The following AZGP1 variants were observed in gnomAD, a reference collection of about 807,000 sequenced individuals.
AZGP1 encodes the protein alpha-2-glycoprotein 1, zinc-binding.
In AZGP1, 28 loss-of-function variants were observed where a neutral mutation model predicts 31.5. The ratio of observed to expected loss-of-function variants is 0.89; its 90% CI spans 0.66 to 1.22. The LOEUF is 1.22. AZGP1 is among the 50% of genes most tolerant of loss of function. AZGP1 has a pLI of 0.00. For synonymous variants in AZGP1, 135 were observed against 145.4 expected, an observed-to-expected ratio of 0.93 and a Z score of 0.51; for missense variants, 361 against 371.8, an observed-to-expected ratio of 0.97 and a Z score of 0.24.
At chr7:99,975,856 C>A in intron 1 of AZGP1, 89 bp downstream of exon 1, 2 of 1,430,674 alleles carry the variant, frequency 1.4e-6, no homozygotes, top group East Asian at 2.3e-5. Flanking sequence ...GGTATCCCAG[C>A]TGCATCCAGC....
chr7:99,972,856 G>A (rs1350902812), intron 1 of AZGP1, among the ~76,000 whole-genome samples: 2 of 151,982 alleles, frequency 1.3e-5, no homozygotes, highest in Non-Finnish European at 2.9e-5. Context: ...AGTGGCTCAC[G>A]CCTGTAATCC....
chr7:99,971,889 T>A lies in AZGP1; in HGVS notation c.194A>T (p.Asp65Val). The A allele has an allele frequency of 6.2e-7, 1 of 1,614,194 alleles. No individual in the cohort carries two copies. The highest frequency in any genetic ancestry group is 8.5e-7 in the Non-Finnish European group (1 of 1,180,026). ...DLQFFRYNSK[D>V]RKSQPMGLWR... ...GAGTCCCATGGGCTGAGACTTCCTGTCTTTACTGTTGTATCTAAAGAACTG... is the reference window on the plus strand; with the variant it reads ...GAGTCCCATGGGCTGAGACTTCCTGACTTTACTGTTGTATCTAAAGAACTG... The change falls in exon 2 of 4, where the codon GAC becomes GTC. Residue 65 changes from aspartate to valine, a missense_variant. Asp to Val is a radical substitution (Grantham distance 152). Transcript: ENST00000292401.
Position 99,971,817 on chromosome 7 carries a change from A to G in AZGP1, c.266T>C (p.Leu89Pro), listed in dbSNP as rs372180028. 2.5e-6 allele frequency: 4 copies of G among 1,613,958 alleles called. No homozygotes were observed. The African/African-American group carries it at 4.0e-5, about 16-fold the overall frequency. ...AAAGATGTCCTCCCTGGCCTTCTGA[A>G]GTTGGCTGTCCTGCTTCCAATCCTC... ...GMEDWKQDSQ[L>P]QKAREDIFME... The change falls in exon 2 of 4, where the codon CTT becomes CCT. Residue 89 changes from leucine (L) to proline (P), a missense_variant. Physicochemically the swap from Leu to Pro is moderately conservative, Grantham distance 98. Coordinates refer to ENST00000292401, the MANE Select transcript of AZGP1 (RefSeq NM_001185.4).
intron 1 of AZGP1, among the ~76,000 whole-genome samples, chr7:99,973,677 A>T: frequency 6.6e-6 from 1 of 151,692 alleles, no homozygotes; most frequent in Non-Finnish European, 1.5e-5. Context: ...ACACTTTGGG[A>T]AGCTGAGGCA....
At chr7:99,971,725 T>A (rs372471921) in intron 2 of AZGP1, 21 bp downstream of exon 2, 30 of 1,608,716 alleles carry the variant, frequency 1.9e-5, no homozygotes, top group East Asian at 1.1e-4. Flanking sequence ...CTTCCACCCC[T>A]GTGGTCTGTT....
intron 3 of AZGP1, 63 bp from the exon 4 acceptor site, chr7:99,967,349 T>C: frequency 3.9e-6 from 6 of 1,539,256 alleles, no homozygotes; most frequent in Non-Finnish European, 5.3e-6. Flanking sequence ...CCAGGTCTCT[T>C]CCTACCCCCA....
At position 99,971,755 on chromosome 7, in the gene AZGP1, CGTT is replaced by C. The variant is rs1562798508; in HGVS notation, c.325_327del (p.Asn109del). On this transcript the variant is annotated inframe_deletion, in exon 2 of 4. Coordinates refer to ENST00000292401, the MANE Select transcript of AZGP1 (RefSeq NM_001185.4). The stretch of plus-strand genomic sequence containing the variant: ...TCTGTTATTCACTGACCGTTACTGT[CGTT>C]GTAATACTCCACGATGTCTTTCAGG... 3 of 1,613,804 alleles carry C rather than the reference CGTT, an allele frequency of 1.9e-6. No individual in the cohort carries two copies. Among genetic ancestry groups the C allele is most frequent in the Admixed American group, 1.7e-5 (1 of 60,004 alleles).
Position 99,971,913 on chromosome 7 carries a change from T to G in AZGP1, c.170A>C (p.Gln57Pro). 1 of 1,614,104 alleles carries G rather than the reference T, an allele frequency of 6.2e-7. No individual in the cohort carries two copies. The highest frequency in any genetic ancestry group is 8.5e-7 in the Non-Finnish European group (1 of 1,180,000). The change falls in exon 2 of 4, where the codon CAG becomes CCG. Residue 57 changes from glutamine (Q) to proline (P), a missense_variant. By Grantham distance (76) the Gln-to-Pro change is moderately conservative. Coordinates refer to ENST00000292401, the MANE Select transcript of AZGP1 (RefSeq NM_001185.4). Reference protein sequence around the residue: ...FQALGSLNDLQFFRYNSKDRK... With the variant: ...FQALGSLNDLPFFRYNSKDRK... Reference sequence around the variant, plus strand: ...GTCTTTACTGTTGTATCTAAAGAACTGGAGGTCATTGAGTGAGCCAAGGGC... The same window carrying G: ...GTCTTTACTGTTGTATCTAAAGAACGGGAGGTCATTGAGTGAGCCAAGGGC...
In AZGP1 at chr7:99,967,286, T is replaced by A; in HGVS notation, c.614A>T (p.Asp205Val). The A allele has an allele frequency of 1.2e-6, 2 of 1,611,294 alleles. No homozygotes were observed. Among genetic ancestry groups the A allele is most frequent in the South Asian group, 2.2e-5 (2 of 90,892 alleles). The change falls in exon 4 of 4, where the codon GAT becomes GTT. Residue 205 changes from aspartate to valine, a missense_variant and splice_region_variant. Physicochemically the swap from Asp to Val is radical, Grantham distance 152 (BLOSUM62 -3). Coordinates refer to ENST00000292401, the MANE Select transcript of AZGP1 (RefSeq NM_001185.4). ...KYSKNILDRQ[D>V]PPSVVVTSHQ... is the part of the protein sequence containing the mutation. ...GCTGGTGACCACCACAGAGGGAGGA[T>A]CTGTGGAGGGATAGAGTGTGACACT...
Position 99,967,243 on chromosome 7 carries a change from T to C in AZGP1, c.657A>G (p.Glu219=). ...VVVTSHQAPG[E]KKKLKCLAYD... The stretch of plus-strand genomic sequence containing the variant: ...AGGCCAGGCACTTCAGTTTCTTCTT[T>C]TCTCCTGGGGCCTGGTGGCTGGTGA... Residue 219 remains glutamate, a synonymous_variant, in exon 4 of 4, where the codon GAA becomes GAG. Coordinates refer to ENST00000292401, the MANE Select transcript of AZGP1 (RefSeq NM_001185.4). 3.1e-6 allele frequency: 5 copies of C among 1,613,386 alleles called. No individual in the cohort carries two copies. Among genetic ancestry groups the C allele is most frequent in the Non-Finnish European group, 4.2e-6 (5 of 1,179,696 alleles).
chr7:99,975,799 G>A (rs982952804), intron 1 of AZGP1, 146 bp downstream of exon 1: 56 of 805,300 alleles, frequency 7.0e-5, no homozygotes, highest in Non-Finnish European at 9.3e-5. Flanking sequence ...AAGTGTGTGA[G>A]CTGAGGGAGT....
At chr7:99,975,573 C>T (rs1328287236) in intron 1 of AZGP1, among the ~76,000 whole-genome samples, 2 of 152,126 alleles carry the variant, frequency 1.3e-5, no homozygotes, top group Non-Finnish European at 2.9e-5. Context: ...CTCTTTCCCT[C>T]AGCGTCAGGC....
At chr7:99,975,470 G>C (rs1470324072) in intron 1 of AZGP1, among the ~76,000 whole-genome samples, 1 of 152,128 alleles carries the variant, frequency 6.6e-6, no homozygotes, top group Admixed American at 6.5e-5. Flanking sequence ...ACCCACTGCA[G>C]TGGTGTCTGA....
At chr7:99,969,848 A>G (rs573356459) in intron 2 of AZGP1, among the ~76,000 whole-genome samples, 1 of 152,342 alleles carries the variant, frequency 6.6e-6, no homozygotes, top group African/African-American at 2.4e-5. Flanking sequence ...GGTGTTTGAT[A>G]TCTTTATCCC....
At chr7:99,974,009 G>T (rs1397474743) in intron 1 of AZGP1, among the ~76,000 whole-genome samples, 1 of 150,834 alleles carries the variant, frequency 6.6e-6, no homozygotes, top group East Asian at 2.0e-4. Context: ...GTGGTGGCTC[G>T]TGCCTGTAAT....
In AZGP1 at chr7:99,968,318, T is replaced by A; in HGVS notation, c.450A>T (p.Glu150Asp). The change falls in exon 3 of 4, where the codon GAA becomes GAT. Residue 150 changes from glutamate to aspartate, a missense_variant. By Grantham distance (45) the Glu-to-Asp change is conservative. Coordinates refer to ENST00000292401, the MANE Select transcript of AZGP1 (RefSeq NM_001185.4). ...GGTCGAAGGGGACCCAGGCTGGGAT[T>A]TCTTTGTTGAATTCAATGTAGTCCT... ...DGKDYIEFNK[E>D]IPAWVPFDPA... is the part of the protein sequence containing the mutation. The A allele has an allele frequency of 6.2e-7, 1 of 1,613,646 alleles. No homozygotes were observed. The highest frequency in any genetic ancestry group is 1.3e-5 in the African/African-American group (1 of 74,846).
chr7:99,975,941 T>C lies in AZGP1; in HGVS notation c.76+4A>G. ...AGCACCCATCCCTTGCTTTCCCCAC[T>C]CACCATCTTGGTTCTCCTGGGGGAC... On this transcript the variant is annotated splice_donor_region_variant and intron_variant, in intron 1 of 3. Coordinates refer to ENST00000292401, the MANE Select transcript of AZGP1 (RefSeq NM_001185.4). 6.2e-7 allele frequency: 1 copy of C among 1,613,926 alleles called. No homozygotes were observed. The highest frequency in any genetic ancestry group is 8.5e-7 in the Non-Finnish European group (1 of 1,179,950).
chr7:99,971,476 G>T, intron 2 of AZGP1: 1 of 418,070 alleles, frequency 2.4e-6, no homozygotes. Context: ...GTGGAGGTGA[G>T]AGGTCATAGG....
At chr7:99,970,427 G>C (rs1411437182) in intron 2 of AZGP1, among the ~76,000 whole-genome samples, 1 of 151,880 alleles carries the variant, frequency 6.6e-6, no homozygotes, top group South Asian at 2.1e-4. Flanking sequence ...ATTATTAGTA[G>C]AGACAGGGTT....
Sources: gnomAD v4.1 joint callset for allele counts (sites outside exome capture counted in the v4.1 genomes callset) on GRCh38, gnomAD v4.1.1 for gene constraint, MANE v1.5 for transcripts, NCBI Gene and HGNC (gene_info 2026-07-23, HGNC 2026-07-21) for gene names.